The following GTF2IRD1 variants were observed in gnomAD, a reference collection of about 807,000 sequenced individuals.
GTF2IRD1 encodes the protein GTF2I repeat domain containing 1.
Under a neutral mutation model 113.2 loss-of-function variants are expected in GTF2IRD1, and 26 were observed. That is an observed-to-expected ratio of 0.23 (90% CI 0.17 to 0.32). GTF2IRD1 has a LOEUF of 0.32. GTF2IRD1 is among the 10% of genes least tolerant of loss of function. GTF2IRD1 has a pLI of 1.00. For missense variants in GTF2IRD1, 864 were observed against 1,280.8 expected, an observed-to-expected ratio of 0.67 and a Z score of 4.97; for synonymous variants, 484 against 529.1, an observed-to-expected ratio of 0.91 and a Z score of 1.17.
chr7:74,512,513 G>C lies in GTF2IRD1; in HGVS notation c.124-317G>C, dbSNP rs1333517608. 6.6e-6 allele frequency among the ~76,000 whole-genome samples: 1 copy of C among 152,162 alleles called. No individual in the cohort carries two copies. The highest frequency in any genetic ancestry group is 1.5e-5 in the Non-Finnish European group (1 of 68,028). ...CACCTCCTCCTCATCCAGGACTTGA[G>C]AGGGGCCAAGAAAACCCAGCACGGC... On this transcript the variant is annotated intron_variant, in intron 2 of 26. Coordinates refer to ENST00000424337, the MANE Select transcript of GTF2IRD1 (RefSeq NM_005685.4). This position sits in a 1 kb window ranked among gnomAD's most constrained non-coding sequence, Gnocchi z 4.4.
At position 74,479,752 on chromosome 7, in the gene GTF2IRD1, C is replaced by CTT. The variant is rs1219454712; in HGVS notation, c.-7+25597_-7+25598dup. 3.2e-3 allele frequency among the ~76,000 whole-genome samples: 390 copies of CTT among 122,042 alleles called. 2 individuals carry two copies. The highest frequency in any genetic ancestry group is 5.4e-3 in the African/African-American group (169 of 31,488). The allele number at this position is 122,042 out of a possible 152,430, so 80.1% of individuals were successfully genotyped here. On this transcript the variant is annotated intron_variant, in intron 1 of 26. Coordinates refer to ENST00000424337, the MANE Select transcript of GTF2IRD1 (RefSeq NM_005685.4). ...CAGTAAAGTACATGAGTACATGAAT[C>CTT]TTTTTTTTTTTTTTTTTTTTTTGGA...
chr7:74,592,664 A>G (rs1454800659), intron 24 of GTF2IRD1, among the ~76,000 whole-genome samples: 3 of 151,388 alleles, frequency 2.0e-5, no homozygotes, highest in African/African-American at 7.3e-5. Context: ...CCTCCCGAGT[A>G]GCTGGGATTA....
At chr7:74,531,645 G>A (rs1250685583) in intron 9 of GTF2IRD1, among the ~76,000 whole-genome samples, 2 of 152,024 alleles carry the variant, frequency 1.3e-5, no homozygotes, top group Non-Finnish European at 2.9e-5. Context: ...CACTTTAGGA[G>A]GCCAAGGTAG....
intron 1 of GTF2IRD1, among the ~76,000 whole-genome samples, chr7:74,463,239 T>C (rs1375524644): frequency 3.3e-5 from 5 of 152,194 alleles, no homozygotes; most frequent in Admixed American, 3.3e-4. Flanking sequence ...GTTCATCTGT[T>C]CTTATTATTA....
intron 16 of GTF2IRD1, among the ~76,000 whole-genome samples, chr7:74,546,851 A>G (rs1554353374): frequency 6.6e-6 from 1 of 152,108 alleles, no homozygotes; most frequent in Non-Finnish European, 1.5e-5. Flanking sequence ...CCTTGGGGTA[A>G]CCCTGGGTTG....
rs781841392 is a variant in GTF2IRD1, at chr7:74,602,395, G to A, written c.2797G>A (p.Gly933Ser). Reference protein sequence around the residue: ...QWPMYMVDYAGLNVQLPGPLN... With the variant: ...QWPMYMVDYASLNVQLPGPLN... ...GCCAATGTACATGGTGGACTATGCC[G>A]GCCTGAACGTGCAGCTCCCGGGACC... The change falls in exon 27 of 27, where the codon GGC (glycine) becomes AGC (serine). Residue 933 changes from glycine (G) to serine (S), a missense_variant. Physicochemically the swap from Gly to Ser is moderately conservative, Grantham distance 56 (BLOSUM62 0). Transcript: ENST00000424337. The A allele has an allele frequency of 1.5e-5, 25 of 1,613,406 alleles. No individual in the cohort carries two copies. The highest frequency in any genetic ancestry group is 9.4e-5 in the African/African-American group (7 of 74,838).
At chr7:74,462,601 T>A (rs1306477795) in intron 1 of GTF2IRD1, among the ~76,000 whole-genome samples, 1 of 152,194 alleles carries the variant, frequency 6.6e-6, no homozygotes, top group Non-Finnish European at 1.5e-5. Flanking sequence ...GCAAACCGGC[T>A]TGGCCGGCCC....
chr7:74,464,127 G>A (rs1257947489), intron 1 of GTF2IRD1, among the ~76,000 whole-genome samples: 3 of 152,200 alleles, frequency 2.0e-5, no homozygotes, highest in African/African-American at 7.2e-5. Context: ...TGTGTGAACA[G>A]TGGCTATTCT....
chr7:74,556,331 G>A (rs1255583121), intron 19 of GTF2IRD1, among the ~76,000 whole-genome samples: 1 of 151,624 alleles, frequency 6.6e-6, no homozygotes, highest in Non-Finnish European at 1.5e-5. Flanking sequence ...GTCTTTGTTT[G>A]TTTGTTTGGA....
chr7:74,519,358 A>G, intron 5 of GTF2IRD1, 51 bp from the exon 6 acceptor site: 1 of 1,298,590 alleles, frequency 7.7e-7, no homozygotes, highest in South Asian at 1.6e-5. Flanking sequence ...AAGAGCTGCA[A>G]TGTGTGAAAC....
intron 6 of GTF2IRD1, among the ~76,000 whole-genome samples, chr7:74,520,467 T>C (rs978418825): frequency 6.6e-6 from 1 of 152,088 alleles, no homozygotes; most frequent in African/African-American, 2.4e-5. Context: ...AGAAGTGTTA[T>C]CATGATTAAA....
intron 24 of GTF2IRD1, among the ~76,000 whole-genome samples, chr7:74,594,295 G>A (rs1242862469): frequency 6.6e-6 from 1 of 151,884 alleles, no homozygotes. Context: ...CAGGAGGATC[G>A]ATTGAGCCCA....
At chr7:74,529,994 G>C (rs1228357753) in intron 9 of GTF2IRD1, 77 bp downstream of exon 9, 6 of 1,097,870 alleles carry the variant, frequency 5.5e-6, no homozygotes, top group Non-Finnish European at 8.0e-6. Flanking sequence ...CAGATCGCTT[G>C]AGGCCAGGAG....
intron 14 of GTF2IRD1, among the ~76,000 whole-genome samples, chr7:74,542,484 A>G (rs587771719): frequency 6.6e-6 from 1 of 152,370 alleles, no homozygotes; most frequent in East Asian, 1.9e-4. Context: ...TGCTTTGCTT[A>G]CAACTGTGTT....
At chr7:74,559,963 A>AGAGACGGGGTTTCACCAT (rs1799851136) in intron 22 of GTF2IRD1, among the ~76,000 whole-genome samples, 1 of 152,104 alleles carries the variant, frequency 6.6e-6, no homozygotes, top group African/African-American at 2.4e-5. Context: ...TATTTTTGGT[A>AGAGACGGGGTTTCACCAT]GAGACGGGGT....
chr7:74,521,639 G>A (rs892740790), intron 7 of GTF2IRD1, among the ~76,000 whole-genome samples: 24 of 152,074 alleles, frequency 1.6e-4, no homozygotes, highest in Non-Finnish European at 1.8e-4. Flanking sequence ...GTGCCTACCC[G>A]TAGTCCCAGC....
intron 22 of GTF2IRD1, among the ~76,000 whole-genome samples, chr7:74,567,847 G>A (rs111856222): frequency 2.0e-5 from 3 of 152,042 alleles, no homozygotes; most frequent in Non-Finnish European, 2.9e-5. Context: ...GTGCAGTGGC[G>A]TGATCTCGGC....
At position 74,555,027 on chromosome 7, in the gene GTF2IRD1, T is replaced by G; in HGVS notation, c.1917-147T>G. 3.0e-6 allele frequency: 2 copies of G among 670,638 alleles called. No homozygotes were observed. Among genetic ancestry groups the G allele is most frequent in the Non-Finnish European group, 2.5e-6 (1 of 400,148 alleles). 41.5% of individuals were successfully genotyped at this position (670,638 alleles called of 1,614,324 possible). On this transcript the variant is annotated intron_variant, in intron 17 of 26. Transcript: ENST00000424337. This position sits in a 1 kb window ranked among gnomAD's most constrained non-coding sequence, Gnocchi z 5.3. ...AGCGCAGCCCCCCAGATTCCACATG[T>G]GGGGCGGCAGGGACTCCAGGCCTGA...
chr7:74,480,717 G>C (rs1794689707), intron 1 of GTF2IRD1, among the ~76,000 whole-genome samples: 1 of 152,204 alleles, frequency 6.6e-6, no homozygotes, highest in African/African-American at 2.4e-5. Flanking sequence ...GCAGGCATGG[G>C]GCGGCCTGGA....
Sources: gnomAD v4.1 joint callset for allele counts (sites outside exome capture counted in the v4.1 genomes callset) on GRCh38, gnomAD v4.1.1 for gene constraint, Gnocchi (gnomAD v3.1) non-coding constraint, MANE v1.5 for transcripts, NCBI Gene and HGNC (gene_info 2026-07-23, HGNC 2026-07-21) for gene names.